Variants in VEZF1 observed in about 807,000 individuals in gnomAD.
VEZF1 encodes vascular endothelial zinc finger 1, also known as putative transcription factor DB1.
VEZF1 carries 5 observed loss-of-function variants against 44.1 expected under a neutral mutation model. That is an observed-to-expected ratio of 0.11 (90% CI 0.06 to 0.24). The LOEUF (loss-of-function observed/expected upper bound fraction) is 0.24, where lower values mean the gene tolerates loss of function less well. Among genes scored for constraint, VEZF1 ranks in the 10% least tolerant of loss-of-function variants. The probability of loss-of-function intolerance (pLI) is 1.00; values close to 1 mark genes in which losing one functional copy is unlikely to be tolerated. For missense variants in VEZF1, 358 were observed against 641.8 expected (o/e 0.56, Z 4.78); for synonymous variants, 236 against 233.1 (o/e 1.01, Z -0.11).
In VEZF1 at chr17:57,974,173, T is replaced by A; in HGVS notation, c.*300A>T. 1 of 354,246 alleles carries A rather than the reference T, an allele frequency of 2.8e-6. No homozygotes were observed. The highest frequency in any genetic ancestry group is 4.7e-5 in the East Asian group (1 of 21,054). The allele number at this position is 354,246 out of a possible 1,614,324, so 21.9% of individuals were successfully genotyped here. ...GTAATGCTGTTTTTTTATTTTGAAG[T>A]GGGTTCTACTTATGATTGGTTTTAA... On this transcript the variant is annotated 3_prime_UTR_variant, in exon 6 of 6. Coordinates refer to ENST00000581208, the MANE Select transcript of VEZF1 (RefSeq NM_007146.3).
chr17:57,981,027 G>A (rs1010010767), intron 3 of VEZF1, among the ~76,000 whole-genome samples: 2 of 152,134 alleles, frequency 1.3e-5, no homozygotes, highest in African/African-American at 4.8e-5. Flanking sequence ...AAGCTTTAGG[G>A]TAAGTTAAAC....
At position 57,974,288 on chromosome 17, in the gene VEZF1, A is replaced by T. The variant is rs1018465611; in HGVS notation, c.*185T>A. Reference sequence around the variant, plus strand: ...CTGATTAAACTAAAGTGGTCCAGTGATAAGTTACATACACACCCTACTTTG... The same window carrying T: ...CTGATTAAACTAAAGTGGTCCAGTGTTAAGTTACATACACACCCTACTTTG... On this transcript the variant is annotated 3_prime_UTR_variant, in exon 6 of 6. Transcript: ENST00000581208. 4.2e-5 allele frequency: 28 copies of T among 670,292 alleles called. No individual in the cohort carries two copies. The highest frequency in any genetic ancestry group is 4.1e-4 in the Middle Eastern group (1 of 2,430). 41.5% of individuals were successfully genotyped at this position (670,292 alleles called of 1,614,324 possible).
chr17:57,987,861 C>T (rs535712134), intron 1 of VEZF1, among the ~76,000 whole-genome samples: 2 of 151,882 alleles, frequency 1.3e-5, no homozygotes, highest in Admixed American at 6.5e-5. Context: ...CCGGGTTCAC[C>T]CCGCGGCCTG....
intron 1 of VEZF1, chr17:57,985,153 G>T: frequency 3.0e-6 from 2 of 662,708 alleles, no homozygotes; most frequent in South Asian, 7.7e-5. Flanking sequence ...TCAGATAATA[G>T]GGAATGCAGA....
chr17:57,973,501 T>A lies in VEZF1; in HGVS notation c.*972A>T, dbSNP rs2143309195. Reference sequence around the variant, plus strand: ...TAAACTCTAGTGAGCAACTAACACATCTGTCCCTGTTGTAATATCAACAGG... The same window carrying A: ...TAAACTCTAGTGAGCAACTAACACAACTGTCCCTGTTGTAATATCAACAGG... On this transcript the variant is annotated 3_prime_UTR_variant, in exon 6 of 6. Transcript: ENST00000581208. 6.5e-6 allele frequency: 1 copy of A among 152,734 alleles called. No individual in the cohort carries two copies. Among genetic ancestry groups the A allele is most frequent in the East Asian group, 1.9e-4 (1 of 5,188 alleles). The allele number at this position is 152,734 out of a possible 1,614,324, so 9.5% of individuals were successfully genotyped here.
At chr17:57,985,330 G>C in intron 1 of VEZF1, 1 of 1,231,334 alleles carries the variant, frequency 8.1e-7, no homozygotes, top group Non-Finnish European at 1.0e-6. Context: ...TCTCACAGGA[G>C]GGTCACACCA....
At chr17:57,982,373 C>T (rs548684818) in intron 2 of VEZF1, among the ~76,000 whole-genome samples, 1 of 152,156 alleles carries the variant, frequency 6.6e-6, no homozygotes, top group South Asian at 2.1e-4. Context: ...TTTAATTTGC[C>T]CAGTGAGCCT....
chr17:57,980,494 A>G (rs1352617895), intron 4 of VEZF1, 109 bp downstream of exon 4: 3 of 1,063,270 alleles, frequency 2.8e-6, no homozygotes, highest in African/African-American at 3.2e-5. Context: ...CATGTTGGCA[A>G]TAGGAGGAAA....
chr17:57,979,438 T>C (rs1164764585), intron 4 of VEZF1, 125 bp from the exon 5 acceptor site: 1 of 1,419,474 alleles, frequency 7.0e-7, no homozygotes, highest in East Asian at 2.3e-5. Flanking sequence ...AGTAAGTGCA[T>C]CTTTTTTGCT....
chr17:57,978,180 G>A (rs1196816393), intron 5 of VEZF1, among the ~76,000 whole-genome samples: 1 of 151,272 alleles, frequency 6.6e-6, no homozygotes, highest in Non-Finnish European at 1.5e-5. Context: ...TCAAGCCTGA[G>A]CAACAGAGCG....
In VEZF1 at chr17:57,980,789, G is replaced by A. The variant is rs756985694; in HGVS notation, c.793-3C>T. On this transcript the variant is annotated splice_region_variant and splice_polypyrimidine_tract_variant and intron_variant, in intron 3 of 5. Transcript: ENST00000581208. ...GTGGCAAAGGCAGCAGTGCACGTCT[G>A]CATGAGGGAGGAAAACTTTTTTTAA... 1 of 1,614,154 alleles carries A rather than the reference G, an allele frequency of 6.2e-7. No homozygotes were observed. The highest frequency in any genetic ancestry group is 8.5e-7 in the Non-Finnish European group (1 of 1,179,996).
At chr17:57,982,444 G>C (rs2075257820) in intron 2 of VEZF1, among the ~76,000 whole-genome samples, 1 of 152,036 alleles carries the variant, frequency 6.6e-6, no homozygotes, top group African/African-American at 2.4e-5. Context: ...GTATCCATGT[G>C]CCAAATGAAA....
intron 5 of VEZF1, among the ~76,000 whole-genome samples, chr17:57,978,146 T>A (rs2075210352): frequency 6.6e-6 from 1 of 150,652 alleles, no homozygotes; most frequent in African/African-American, 2.5e-5. Context: ...GAGGCTGCAG[T>A]GAGCCGAGAT....
chr17:57,978,298 G>A (rs552380488), intron 5 of VEZF1, among the ~76,000 whole-genome samples: 1 of 151,992 alleles, frequency 6.6e-6, no homozygotes, highest in Non-Finnish European at 1.5e-5. Flanking sequence ...CACAGAAAAG[G>A]AATTACATAC....
rs1308204241 is a variant in VEZF1 at position 57,983,031 on chromosome 17, A to G, written c.396T>C (p.Ile132=). The G allele has an allele frequency of 2.5e-6, 4 of 1,614,180 alleles. No homozygotes were observed. In the East Asian group the frequency reaches 8.9e-5, roughly 36 times the overall value. The change falls in exon 2 of 6, where the codon ATT becomes ATC. Residue 132 remains isoleucine, a synonymous_variant. Transcript: ENST00000581208. ...DSSRTSLVST[I]AGILSTVTTS... The stretch of plus-strand genomic sequence containing the variant: ...TAGTGACTGTTGACAAGATGCCTGC[A>G]ATGGTCGAGACCAACGAAGTTCGGC...
At chr17:57,981,829 G>T in intron 3 of VEZF1, 44 bp downstream of exon 3, 1 of 1,565,952 alleles carries the variant, frequency 6.4e-7, no homozygotes, top group Non-Finnish European at 8.8e-7. Context: ...TCTGGATAAT[G>T]TGCATTAAGT....
chr17:57,987,411 G>A (rs2075306399), intron 1 of VEZF1, among the ~76,000 whole-genome samples: 1 of 152,082 alleles, frequency 6.6e-6, no homozygotes, highest in Non-Finnish European at 1.5e-5. Context: ...TAAATCCAGT[G>A]AAAAAGTTTG....
chr17:57,975,019 T>C lies in VEZF1; in HGVS notation c.1139-119A>G, dbSNP rs1441791612. 1.6e-5 allele frequency: 19 copies of C among 1,201,992 alleles called. 1 individual carries two copies. Among genetic ancestry groups the C allele is most frequent in the South Asian group, 9.6e-5 (6 of 62,544 alleles). 74.5% of individuals were successfully genotyped at this position (1,201,992 alleles called of 1,614,324 possible). Reference sequence around the variant, plus strand: ...AACATTTAATAAATCAAATTCCAGTTTTCTATCAAGCGGTCAACAGAACAG... The same window carrying C: ...AACATTTAATAAATCAAATTCCAGTCTTCTATCAAGCGGTCAACAGAACAG... On this transcript the variant is annotated intron_variant, in intron 5 of 5. Transcript: ENST00000581208.
intron 4 of VEZF1, among the ~76,000 whole-genome samples, chr17:57,979,923 T>C (rs2075231338): frequency 7.0e-6 from 1 of 143,586 alleles, no homozygotes; most frequent in Non-Finnish European, 1.5e-5. Flanking sequence ...TGAGCCGAGA[T>C]CGTGCCATTG....
Sources: allele counts gnomAD v4.1 joint callset (sites outside exome capture counted in the v4.1 genomes callset), GRCh38; gene constraint gnomAD v4.1.1; transcripts MANE v1.5; gene names NCBI Gene and HGNC (gene_info 2026-07-23, HGNC 2026-07-21).